The following KCNB2 variants were observed in gnomAD, a reference collection of about 807,000 sequenced individuals.
The protein encoded by KCNB2 is delayed rectifier potassium channel protein.
A neutral mutation model predicts 61.5 loss-of-function variants in KCNB2; 15 were observed. The ratio of observed to expected loss-of-function variants is 0.24; its 90% confidence interval spans 0.16 to 0.38. The LOEUF is 0.38. Ranked by LOEUF, KCNB2 falls within the 10% of genes least tolerant of loss-of-function variation. KCNB2 has a pLI of 1.00. For missense variants in KCNB2, 828 were observed against 1,125.2 expected (o/e 0.74, Z 3.78); for synonymous variants, 457 against 446.0 (o/e 1.02, Z -0.31).
intron 2 of KCNB2, among the ~76,000 whole-genome samples, chr8:72,844,322 G>A (rs1809948099): frequency 1.3e-5 from 2 of 152,112 alleles, no homozygotes; most frequent in African/African-American, 4.8e-5. Context: ...TAGTCTGATG[G>A]GTTTCCCTTT....
intron 2 of KCNB2, among the ~76,000 whole-genome samples, chr8:72,800,165 G>A (rs1405621290): frequency 2.6e-5 from 4 of 152,120 alleles, no homozygotes; most frequent in Non-Finnish European, 1.5e-5. Context: ...AAATACATAC[G>A]TGTGTAAACA....
At position 72,686,356 on chromosome 8, in the gene KCNB2, AT is replaced by A. The variant is rs895896053; in HGVS notation, c.579+118052del. ...AGAATATGATCATCCTTTTTTGGAT[AT>A]TTTTTTTTGAAACAAGGTCTTGCTC... On this transcript the variant is annotated intron_variant, in intron 2 of 2. Coordinates refer to ENST00000523207, the MANE Select transcript of KCNB2 (RefSeq NM_004770.3). 4.0e-5 allele frequency among the ~76,000 whole-genome samples: 6 copies of A among 151,000 alleles called. No homozygotes were observed. The South Asian group carries it at 8.4e-4, about 21-fold the overall frequency.
chr8:72,707,588 G>A (rs1563565942), intron 2 of KCNB2, among the ~76,000 whole-genome samples: 1 of 152,120 alleles, frequency 6.6e-6, no homozygotes, highest in Non-Finnish European at 1.5e-5. Flanking sequence ...CTTCAGGGGA[G>A]CATTCATCTC....
chr8:72,770,196 G>A (rs1349822642), intron 2 of KCNB2, among the ~76,000 whole-genome samples: 2 of 152,128 alleles, frequency 1.3e-5, no homozygotes, highest in Admixed American at 1.3e-4. Context: ...GCAGTCATGG[G>A]ATAGCCCAGA....
At chr8:72,696,162 CCT>C (rs1406449333) in intron 2 of KCNB2, among the ~76,000 whole-genome samples, 1 of 152,052 alleles carries the variant, frequency 6.6e-6, no homozygotes, top group Non-Finnish European at 1.5e-5. Context: ...ATTTTTACGT[CCT>C]TCAATAAATA....
At chr8:72,931,567 A>G (rs7005488) in intron 2 of KCNB2, among the ~76,000 whole-genome samples, 3,822 of 152,242 alleles carry the variant, frequency 0.025, 145 homozygotes, top group African/African-American at 0.088. Context: ...GCAGTTGTGA[A>G]TGGGAGTTCA....
chr8:72,627,310 CT>C (rs1453071352), intron 2 of KCNB2, among the ~76,000 whole-genome samples: 4 of 152,118 alleles, frequency 2.6e-5, no homozygotes, highest in African/African-American at 9.7e-5. Context: ...GATATTTAGC[CT>C]AATGGCTATC....
At chr8:72,931,277 G>A (rs1288415242) in intron 2 of KCNB2, among the ~76,000 whole-genome samples, 1 of 152,152 alleles carries the variant, frequency 6.6e-6, no homozygotes, top group Non-Finnish European at 1.5e-5. Flanking sequence ...ACTTGGCAAT[G>A]GGGGCTCTTT....
At chr8:72,840,594 G>A (rs1164725242) in intron 2 of KCNB2, among the ~76,000 whole-genome samples, 3 of 152,080 alleles carry the variant, frequency 2.0e-5, no homozygotes, top group Non-Finnish European at 2.9e-5. Context: ...TTTAATGATC[G>A]CCATTCTAAC....
At chr8:72,894,934 A>G (rs1805966273) in intron 2 of KCNB2, among the ~76,000 whole-genome samples, 1 of 152,140 alleles carries the variant, frequency 6.6e-6, no homozygotes. Flanking sequence ...TCAGGTGAGA[A>G]TTTTCATGTT....
At chr8:72,636,130 A>G (rs915921247) in intron 2 of KCNB2, among the ~76,000 whole-genome samples, 1 of 152,164 alleles carries the variant, frequency 6.6e-6, no homozygotes, top group African/African-American at 2.4e-5. Context: ...ATCAGAAGAC[A>G]TGGGTTCAAA....
rs544633775 is a variant in KCNB2, at chr8:72,799,286, T to A, written c.580-136649T>A. Among the ~76,000 whole-genome samples the A allele has an allele frequency of 4.1e-4, 62 of 152,288 alleles. 1 individual carries two copies. The highest frequency in any genetic ancestry group is 1.4e-3 in the African/African-American group (59 of 41,578). ...GCAAATCAATGTTAGTTTTCTTAAC[T>A]AGAAAATTAAAATAACACTTTCCTC... is the stretch of plus-strand genomic sequence containing the variant. On this transcript the variant is annotated intron_variant, in intron 2 of 2. Coordinates refer to ENST00000523207, the MANE Select transcript of KCNB2 (RefSeq NM_004770.3).
chr8:72,872,718 G>A (rs1805639654), intron 2 of KCNB2, among the ~76,000 whole-genome samples: 1 of 152,184 alleles, frequency 6.6e-6, no homozygotes, highest in African/African-American at 2.4e-5. Context: ...CATGGAGTTA[G>A]AAACATGGTC....
At chr8:72,867,295 T>C (rs973503002) in intron 2 of KCNB2, among the ~76,000 whole-genome samples, 3 of 152,202 alleles carry the variant, frequency 2.0e-5, no homozygotes, top group African/African-American at 7.2e-5. Flanking sequence ...ATTTACTCAT[T>C]TATAAAAAAA....
intron 2 of KCNB2, among the ~76,000 whole-genome samples, chr8:72,776,167 C>T (rs934639329): frequency 1.0e-3 from 156 of 149,286 alleles, no homozygotes; most frequent in African/African-American, 3.5e-3. Flanking sequence ...AACCAAACAC[C>T]GCATGTTCTC....
rs779702756 is a variant in KCNB2 at position 72,937,065 on chromosome 8, TGAA to T, written c.1716_1718del (p.Glu573del). 1 of 1,613,902 alleles carries T rather than the reference TGAA, an allele frequency of 6.2e-7. No homozygotes were observed. The highest frequency in any genetic ancestry group is 8.5e-7 in the Non-Finnish European group (1 of 1,179,990). On this transcript the variant is annotated inframe_deletion, in exon 3 of 3. Coordinates refer to ENST00000523207, the MANE Select transcript of KCNB2 (RefSeq NM_004770.3). ...AAAAGCCTGAGAGGCCATCTGCATA[TGAA>T]GAAGAGATTGAAATGGAAGAAGTGG...
At chr8:72,662,823 A>T (rs560167117) in intron 2 of KCNB2, among the ~76,000 whole-genome samples, 1 of 152,300 alleles carries the variant, frequency 6.6e-6, no homozygotes, top group South Asian at 2.1e-4. Flanking sequence ...CGAAAGAGGA[A>T]GTAAGTGAGA....
At chr8:72,552,861 T>C (rs1806366123) in intron 1 of KCNB2, among the ~76,000 whole-genome samples, 1 of 152,146 alleles carries the variant, frequency 6.6e-6, no homozygotes, top group Non-Finnish European at 1.5e-5. Flanking sequence ...CATCCACTTT[T>C]CCCAGGCAGG....
chr8:72,600,887 G>A (rs751804223), intron 2 of KCNB2, among the ~76,000 whole-genome samples: 46 of 151,748 alleles, frequency 3.0e-4, no homozygotes, highest in Non-Finnish European at 5.9e-4. Context: ...TAACTAATAG[G>A]TACTAGGCTT....
Sources: gnomAD v4.1 joint callset for allele counts (sites outside exome capture counted in the v4.1 genomes callset) on GRCh38, gnomAD v4.1.1 for gene constraint, MANE v1.5 for transcripts, NCBI Gene and HGNC (gene_info 2026-07-23, HGNC 2026-07-21) for gene names.